Variants in MTA3 observed in about 807,000 individuals in gnomAD.
The protein encoded by MTA3 is metastasis associated 1 family member 3, also known as metastasis-associated protein MTA3.
MTA3 carries 34 observed loss-of-function variants against 83.5 expected under a neutral mutation model. The observed-to-expected ratio is 0.41, with a 90% CI of 0.31 to 0.54. MTA3 has a LOEUF of 0.54. Among genes scored for constraint, MTA3 ranks in the 20% least tolerant of loss-of-function variants. MTA3 has a pLI of 0.33. For missense variants in MTA3, 761 were observed against 726.4 expected, an observed-to-expected ratio of 1.05 and a Z score of -0.55; for synonymous variants, 303 against 252.7, an observed-to-expected ratio of 1.20 and a Z score of -1.89.
At chr2:42,519,307 TA>T (rs1289855910) in intron 2 of MTA3, among the ~76,000 whole-genome samples, 1 of 152,050 alleles carries the variant, frequency 6.6e-6, no homozygotes, top group African/African-American at 2.4e-5. Context: ...TCAAGGTTAT[TA>T]AAAAAACAAG....
At chr2:42,499,230 C>T (rs902270009) in intron 2 of MTA3, among the ~76,000 whole-genome samples, 6 of 150,244 alleles carry the variant, frequency 4.0e-5, no homozygotes, top group African/African-American at 9.8e-5. Context: ...TGCAATGGTG[C>T]GATCTCAGCT....
intron 14 of MTA3, among the ~76,000 whole-genome samples, chr2:42,718,346 C>G (rs191074551): frequency 6.6e-6 from 1 of 151,564 alleles, no homozygotes; most frequent in Non-Finnish European, 1.5e-5. Flanking sequence ...CTCCTGGGTT[C>G]AAGCAATTCT....
Position 42,648,277 on chromosome 2 carries a change from T to A in MTA3, c.499+4033T>A, listed in dbSNP as rs550268484. Among the ~76,000 whole-genome samples, 11 of 152,360 alleles carry A rather than the reference T, an allele frequency of 7.2e-5. No homozygotes were observed. The East Asian group carries it at 9.6e-4, about 13-fold the overall frequency. On this transcript the variant is annotated intron_variant, in intron 6 of 16. Transcript: ENST00000405094. ...CTCCCATATGTAGCTAGTACCTGATTGCAGGGAAGTTAAATAGTAGGACAT... is the reference window on the plus strand; with the variant it reads ...CTCCCATATGTAGCTAGTACCTGATAGCAGGGAAGTTAAATAGTAGGACAT...
intron 11 of MTA3, among the ~76,000 whole-genome samples, chr2:42,701,291 C>G (rs1255843134): frequency 1.4e-5 from 1 of 69,798 alleles, no homozygotes; most frequent in Non-Finnish European, 2.6e-5. Flanking sequence ...GACCCTGCCT[C>G]AAAAAAAAAA....
chr2:42,754,855 G>C lies in MTA3; in HGVS notation c.*1456G>C, dbSNP rs1361325382. ...TGTCCTCGGAGGCTGAGCTCCGCTT[G>C]GCAGAGAGAGCGTGCTGTGTGAGGT... On this transcript the variant is annotated 3_prime_UTR_variant, in exon 17 of 17. Transcript: ENST00000405094. 1.0e-6 allele frequency: 1 copy of C among 985,442 alleles called. No homozygotes were observed. Among genetic ancestry groups the C allele is most frequent in the Non-Finnish European group, 1.2e-6 (1 of 830,028 alleles). The allele number at this position is 985,442 out of a possible 1,614,324, so 61.0% of individuals were successfully genotyped here. A position where few individuals can be genotyped will look rare whatever the true frequency, so the allele number is the denominator to read the frequency against.
intron 2 of MTA3, among the ~76,000 whole-genome samples, chr2:42,526,911 G>C (rs1239740408): frequency 6.6e-6 from 1 of 151,914 alleles, no homozygotes; most frequent in Admixed American, 6.6e-5. Flanking sequence ...AAAATTAGCT[G>C]AGTGTGGTGA....
chr2:42,556,513 G>C (rs139801972), intron 2 of MTA3, among the ~76,000 whole-genome samples: 2 of 152,282 alleles, frequency 1.3e-5, no homozygotes, highest in African/African-American at 4.8e-5. Context: ...GAGCCATGCT[G>C]ACACCAGCAT....
intron 2 of MTA3, among the ~76,000 whole-genome samples, chr2:42,496,905 A>G (rs1334710587): frequency 6.6e-6 from 1 of 152,162 alleles, no homozygotes; most frequent in East Asian, 1.9e-4. Flanking sequence ...GCATTCCCAA[A>G]TTCAAAAACC....
At chr2:42,615,813 C>T (rs943706943) in intron 4 of MTA3, among the ~76,000 whole-genome samples, 6 of 144,900 alleles carry the variant, frequency 4.1e-5, no homozygotes, top group South Asian at 4.5e-4. Context: ...CTCTGCCTCC[C>T]GGGTTCACGC....
intron 3 of MTA3, among the ~76,000 whole-genome samples, chr2:42,590,083 G>A (rs999361386): frequency 1.4e-4 from 21 of 152,094 alleles, no homozygotes; most frequent in Non-Finnish European, 2.9e-4. Context: ...CTATGTTTCT[G>A]TGTACCCCTT....
intron 5 of MTA3, among the ~76,000 whole-genome samples, 170 bp downstream of exon 5, chr2:42,640,406 C>G (rs1398862133): frequency 1.3e-5 from 2 of 151,992 alleles, no homozygotes; most frequent in African/African-American, 4.8e-5. Flanking sequence ...TTTGATTTTT[C>G]TGGTTATCTG....
rs1553391901 is a variant in MTA3, at chr2:42,708,017, C to T, written c.1265C>T (p.Ser422Leu). 1.2e-6 allele frequency: 2 copies of T among 1,612,874 alleles called. No individual in the cohort carries two copies. The highest frequency in any genetic ancestry group is 2.2e-5 in the South Asian group (2 of 90,766). The stretch of plus-strand genomic sequence containing the variant: ...GGAGGCTTGAAAATGCCCACCCAGT[C>T]AGAAGAAGAGAAGTTATCTCCTAGC... The part of the protein sequence containing the change: ...KYGGLKMPTQ[S>L]EEEKLSPSPT... The change falls in exon 13 of 17, where the codon TCA (serine) becomes TTA (leucine). Residue 422 changes from serine (S) to leucine (L), a missense_variant. Transcript: ENST00000405094.
Position 42,755,128 on chromosome 2 carries a change from A to C in MTA3, c.*1729A>C, listed in dbSNP as rs1272330344. The C allele has an allele frequency of 3.0e-6, 3 of 985,290 alleles. No homozygotes were observed. Among genetic ancestry groups the C allele is most frequent in the African/African-American group, 3.5e-5 (2 of 57,204 alleles). 61.0% of individuals were successfully genotyped at this position (985,290 alleles called of 1,614,324 possible). ...GTCCCTTCAGCAAAGACCTGGGAGG[A>C]GGTGCCGCATCACGTGGATGTTTCT... is the stretch of plus-strand genomic sequence containing the variant. On this transcript the variant is annotated 3_prime_UTR_variant, in exon 17 of 17. Transcript: ENST00000405094.
chr2:42,595,753 AATT>A (rs1472874657), intron 3 of MTA3, among the ~76,000 whole-genome samples: 3 of 152,208 alleles, frequency 2.0e-5, no homozygotes, highest in African/African-American at 4.8e-5. Context: ...AAATTTTAAA[AATT>A]ATTATTGTAA....
At chr2:42,691,201 G>C (rs191712957) in intron 9 of MTA3, among the ~76,000 whole-genome samples, 1 of 152,004 alleles carries the variant, frequency 6.6e-6, no homozygotes, top group Non-Finnish European at 1.5e-5. Context: ...TAATAGAGAC[G>C]GGGTTTCACC....
intron 8 of MTA3, among the ~76,000 whole-genome samples, chr2:42,681,969 G>T (rs1691968905): frequency 1.3e-5 from 2 of 151,998 alleles, no homozygotes; most frequent in Non-Finnish European, 2.9e-5. Flanking sequence ...TGCTTTGGGA[G>T]GCTATAGTGG....
At chr2:42,732,511 C>G (rs1233386294) in intron 16 of MTA3, among the ~76,000 whole-genome samples, 2 of 152,220 alleles carry the variant, frequency 1.3e-5, no homozygotes, top group African/African-American at 4.8e-5. Context: ...CCTGAGCCTC[C>G]AGGCCTGTTA....
chr2:42,661,506 CAAAAAAAAAAAAAA>C (rs1296698587), intron 8 of MTA3, among the ~76,000 whole-genome samples: 1 of 27,214 alleles, frequency 3.7e-5, no homozygotes, highest in Non-Finnish European at 6.1e-5. Context: ...GACCCTGTCT[CAAAAAAAAAAAAAA>C]AAAAAAAAGA....
rs751648421 is a variant in MTA3, at chr2:42,628,246, T to TTTA, written c.318-11926_318-11925insTAT. On this transcript the variant is annotated intron_variant, in intron 4 of 16. Coordinates refer to ENST00000405094, the MANE Select transcript of MTA3 (RefSeq NM_001330442.2). ...TATTTATTTATTTATTTATTTATTT[T>TTTA]TGAGATGGAGTTTTGCTCTTGTCAC... is the stretch of plus-strand genomic sequence containing the variant. 9.4e-3 allele frequency among the ~76,000 whole-genome samples: 693 copies of TTTA among 73,410 alleles called. 7 individuals carry two copies. The highest frequency in any genetic ancestry group is 0.011 in the Non-Finnish European group (408 of 36,252). 48.2% of individuals were successfully genotyped at this position (73,410 alleles called of 152,430 possible).
Sources: allele counts gnomAD v4.1 joint callset (sites outside exome capture counted in the v4.1 genomes callset), GRCh38; gene constraint gnomAD v4.1.1; transcripts MANE v1.5; gene names NCBI Gene and HGNC (gene_info 2026-07-23, HGNC 2026-07-21).